SPOCK1: variants seen among roughly 807,000 people sequenced by gnomAD.
The protein encoded by SPOCK1 is SPARC (osteonectin), cwcv and kazal like domains proteoglycan 1, also known as testican-1.
SPOCK1 carries 23 observed loss-of-function variants against 55.3 expected under a neutral mutation model. The observed-to-expected ratio is 0.42, with a 90% CI of 0.30 to 0.59. The LOEUF is 0.59. Among genes scored for constraint, SPOCK1 ranks in the 20% least tolerant of loss-of-function variants. The pLI, the probability that SPOCK1 is intolerant of heterozygous loss-of-function variation, is 0.22. For missense variants in SPOCK1, 499 were observed against 552.5 expected (o/e 0.90, Z 0.97); for synonymous variants, 226 against 221.0 (o/e 1.02, Z -0.20).
chr5:137,003,404 TAAATA>T (rs1483671584), intron 6 of SPOCK1, among the ~76,000 whole-genome samples: 1 of 152,144 alleles, frequency 6.6e-6, no homozygotes, highest in Middle Eastern at 3.2e-3. Flanking sequence ...GTCTCATAAA[TAAATA>T]AATCATAAGT....
chr5:137,345,428 C>T (rs1750535680), intron 2 of SPOCK1, among the ~76,000 whole-genome samples: 1 of 152,310 alleles, frequency 6.6e-6, no homozygotes, highest in East Asian at 1.9e-4. Flanking sequence ...GTAAATACTC[C>T]TCCTGCAGAG....
chr5:137,190,497 A>C (rs1242609978), intron 3 of SPOCK1, among the ~76,000 whole-genome samples: 1 of 152,224 alleles, frequency 6.6e-6, no homozygotes, highest in Non-Finnish European at 1.5e-5. Flanking sequence ...ATTGATTTTT[A>C]AGATATAATC....
At chr5:136,983,144 T>C (rs1750765685) in intron 9 of SPOCK1, among the ~76,000 whole-genome samples, 2 of 152,228 alleles carry the variant, frequency 1.3e-5, no homozygotes, top group Admixed American at 6.5e-5. Context: ...CCTTCCACTG[T>C]AGCTTTCTAT....
intron 2 of SPOCK1, among the ~76,000 whole-genome samples, chr5:137,469,834 C>T (rs899395834): frequency 1.3e-5 from 2 of 152,128 alleles, no homozygotes; most frequent in African/African-American, 4.8e-5. Flanking sequence ...TTGGCCACCC[C>T]CACCCAAGAG....
At chr5:137,200,470 C>G (rs1207825227) in intron 3 of SPOCK1, among the ~76,000 whole-genome samples, 1 of 152,156 alleles carries the variant, frequency 6.6e-6, no homozygotes, top group East Asian at 1.9e-4. Context: ...ACTGATTTAG[C>G]CTGATTGCTG....
intron 3 of SPOCK1, among the ~76,000 whole-genome samples, chr5:137,180,030 T>C (rs1754939567): frequency 1.3e-5 from 2 of 152,118 alleles, no homozygotes; most frequent in African/African-American, 2.4e-5. Flanking sequence ...CTCAACCTTA[T>C]AGTGAAAAGA....
intron 5 of SPOCK1, among the ~76,000 whole-genome samples, chr5:137,112,075 A>C (rs1859347): frequency 0.26 from 39,662 of 151,776 alleles, 5,576 homozygotes; most frequent in Non-Finnish European, 0.32. Context: ...AGGCAGCATC[A>C]CGACCCCCCC....
chr5:137,050,617 G>A (rs1312827968), intron 6 of SPOCK1, among the ~76,000 whole-genome samples: 7 of 152,010 alleles, frequency 4.6e-5, no homozygotes, highest in African/African-American at 1.7e-4. Context: ...CGCTCACGCT[G>A]GGAGCTGTAG....
chr5:137,227,580 G>A (rs952172538), intron 3 of SPOCK1, among the ~76,000 whole-genome samples: 11 of 152,206 alleles, frequency 7.2e-5, no homozygotes, highest in Admixed American at 2.0e-4. Flanking sequence ...TTGCAAAGGA[G>A]CCTAAAAGCC....
At chr5:137,155,377 C>A (rs985654708) in intron 3 of SPOCK1, among the ~76,000 whole-genome samples, 18 of 152,162 alleles carry the variant, frequency 1.2e-4, no homozygotes, top group African/African-American at 4.3e-4. Flanking sequence ...TCTCAATGGG[C>A]CTGTACTCTA....
At chr5:137,253,762 T>C (rs1196676524) in intron 3 of SPOCK1, among the ~76,000 whole-genome samples, 2 of 152,202 alleles carry the variant, frequency 1.3e-5, no homozygotes, top group Non-Finnish European at 2.9e-5. Context: ...TCCCACCCTC[T>C]AATTCTAGGG....
intron 2 of SPOCK1, among the ~76,000 whole-genome samples, chr5:137,483,785 T>A (rs1459398964): frequency 6.6e-6 from 1 of 152,080 alleles, no homozygotes; most frequent in Non-Finnish European, 1.5e-5. Context: ...GGGCCAAAAG[T>A]CTTCTGGGGC....
At chr5:137,209,844 G>T (rs1314105085) in intron 3 of SPOCK1, among the ~76,000 whole-genome samples, 2 of 152,170 alleles carry the variant, frequency 1.3e-5, no homozygotes, top group Non-Finnish European at 2.9e-5. Context: ...CACAGGAAGT[G>T]CAGAGAAAAA....
intron 3 of SPOCK1, among the ~76,000 whole-genome samples, chr5:137,199,586 A>G (rs537577769): frequency 2.0e-5 from 3 of 151,884 alleles, no homozygotes; most frequent in Admixed American, 6.6e-5. Context: ...TTGAACATTT[A>G]TTTTGCTTCT....
intron 3 of SPOCK1, among the ~76,000 whole-genome samples, chr5:137,150,917 G>A (rs1322875525): frequency 6.6e-6 from 1 of 152,096 alleles, no homozygotes; most frequent in African/African-American, 2.4e-5. Flanking sequence ...ACTCTGGTGA[G>A]GTCATCTCTC....
chr5:137,195,510 C>T (rs1312964498), intron 3 of SPOCK1, among the ~76,000 whole-genome samples: 1 of 152,234 alleles, frequency 6.6e-6, no homozygotes, highest in Non-Finnish European at 1.5e-5. Flanking sequence ...TCATTACTGC[C>T]TCACTAAGCA....
chr5:137,089,650 T>C (rs1753020665), intron 5 of SPOCK1, among the ~76,000 whole-genome samples: 1 of 152,146 alleles, frequency 6.6e-6, no homozygotes, highest in African/African-American at 2.4e-5. Context: ...GATGAAACTT[T>C]AATAAACTTT....
At chr5:137,166,220 A>G (rs1435575049) in intron 3 of SPOCK1, among the ~76,000 whole-genome samples, 1 of 152,110 alleles carries the variant, frequency 6.6e-6, no homozygotes, top group Non-Finnish European at 1.5e-5. Flanking sequence ...TCTGGCAGCA[A>G]ACTTTTCAGT....
At chr5:137,116,645 TA>T (rs879624734) in intron 4 of SPOCK1, among the ~76,000 whole-genome samples, 29 of 143,016 alleles carry the variant, frequency 2.0e-4, no homozygotes, top group African/African-American at 2.3e-4. Context: ...AAACTCTGTC[TA>T]AAAAAAAAAA....
Sources: allele counts gnomAD v4.1 joint callset (sites outside exome capture counted in the v4.1 genomes callset), GRCh38; gene constraint gnomAD v4.1.1; transcripts MANE v1.5; gene names NCBI Gene and HGNC (gene_info 2026-07-23, HGNC 2026-07-21).